Variants in STON1 observed in about 807,000 individuals in gnomAD.
The protein encoded by STON1 is stonin 1.
Under a neutral mutation model 60.9 loss-of-function variants are expected in STON1, and 79 were observed. That is an observed-to-expected ratio of 1.30 (90% confidence interval 1.08 to 1.56). The LOEUF (loss-of-function observed/expected upper bound fraction) is 1.56. STON1 is among the 40% of genes most tolerant of loss of function. The pLI is 0.00. For synonymous variants in STON1, 363 were observed against 306.9 expected (o/e 1.18, Z -1.91); for missense variants, 1,166 against 858.9 (o/e 1.36, Z -4.47).
rs368140957 is a variant in STON1, at chr2:48,581,679, T to A, written c.1046T>A (p.Ile349Asn). The A allele has an allele frequency of 6.2e-7, 1 of 1,613,466 alleles. No individual in the cohort carries two copies. Among genetic ancestry groups the A allele is most frequent in the Admixed American group, 1.7e-5 (1 of 59,864 alleles). Reference protein sequence around the residue: ...SVAGKIHTVKIEHVSYTEKRK... With the variant: ...SVAGKIHTVKNEHVSYTEKRK... ...GCAGGAAAAATCCACACTGTGAAGATTGAACATGTGTCTTACACAGAAAAA... is the reference window on the plus strand; with the variant it reads ...GCAGGAAAAATCCACACTGTGAAGAATGAACATGTGTCTTACACAGAAAAA... Residue 349 changes from isoleucine (I) to asparagine (N), a missense_variant, in exon 2 of 4, where the codon ATT becomes AAT. Physicochemically the swap from Ile to Asn is moderately radical, Grantham distance 149 (BLOSUM62 -3). Coordinates refer to ENST00000404752, the MANE Select transcript of STON1 (RefSeq NM_006873.4).
chr2:48,580,922 G>T lies in STON1; in HGVS notation c.289G>T (p.Ala97Ser), dbSNP rs750519000. ...DFPGFPGIPK[A>S]GTHVLYPIPE... ...CCCAGGTTTTCCTGGCATCCCCAAA[G>T]CAGGGACTCATGTGCTTTATCCTAT... The change falls in exon 2 of 4, where the codon GCA becomes TCA. Residue 97 changes from alanine to serine, a missense_variant. Coordinates refer to ENST00000404752, the MANE Select transcript of STON1 (RefSeq NM_006873.4). The T allele has an allele frequency of 3.8e-6, 6 of 1,599,640 alleles. No homozygotes were observed. Among genetic ancestry groups the T allele is most frequent in the Non-Finnish European group, 1.7e-6 (2 of 1,174,272 alleles).
intron 1 of STON1, among the ~76,000 whole-genome samples, chr2:48,573,257 G>A (rs1047078068): frequency 4.6e-5 from 7 of 152,144 alleles, no homozygotes; most frequent in Non-Finnish European, 1.0e-4. Flanking sequence ...CAGCTACTTG[G>A]GAGGCTGAGG....
At chr2:48,577,383 C>G (rs535992885) in intron 1 of STON1, among the ~76,000 whole-genome samples, 1 of 151,826 alleles carries the variant, frequency 6.6e-6, no homozygotes. Flanking sequence ...GAGTTTGAGA[C>G]CAGCCTGACC....
intron 1 of STON1, among the ~76,000 whole-genome samples, chr2:48,575,820 G>A (rs181195194): frequency 5.6e-5 from 8 of 142,376 alleles, no homozygotes; most frequent in African/African-American, 7.7e-5. Flanking sequence ...GTGCAATGGC[G>A]TGATACCCAT....
chr2:48,580,464 T>C (rs62823761), intron 1 of STON1, 123 bp from the exon 2 acceptor site: 26 of 1,009,260 alleles, frequency 2.6e-5, no homozygotes, highest in Middle Eastern at 3.6e-4. Context: ...GTTTTTTTTT[T>C]AATCCACTTA....
In STON1 at chr2:48,582,099, AGT is replaced by A. The variant is rs764833317; in HGVS notation, c.1472_1473del (p.Val491GlufsTer6). ...GATATTCTTGACTACCATTTTCATAAGTGTGTGAATGTACAAGAATTTGAGCA... is the reference window on the plus strand; with the variant it reads ...GATATTCTTGACTACCATTTTCATAAGTGTGAATGTACAAGAATTTGAGCA... On this transcript the variant is annotated frameshift_variant, in exon 2 of 4. Coordinates refer to ENST00000404752, the MANE Select transcript of STON1 (RefSeq NM_006873.4). LOFTEE classifies it high-confidence loss of function. 1.2e-6 allele frequency: 2 copies of A among 1,614,028 alleles called. No homozygotes were observed. Among genetic ancestry groups the A allele is most frequent in the South Asian group, 1.1e-5 (1 of 91,070 alleles).
chr2:48,573,427 G>A lies in STON1; in HGVS notation c.-47-7160G>A, dbSNP rs557703499. 1.8e-4 allele frequency among the ~76,000 whole-genome samples: 27 copies of A among 152,266 alleles called. 1 individual carries two copies. The highest frequency in any genetic ancestry group is 5.5e-4 in the African/African-American group (23 of 41,556). On this transcript the variant is annotated intron_variant, in intron 1 of 3. Transcript: ENST00000404752. ...CAGCATTTTCCACTGGATGTCAGCCGCCATAGCATCACTTTGGAGTTGGAA... is the reference window on the plus strand; with the variant it reads ...CAGCATTTTCCACTGGATGTCAGCCACCATAGCATCACTTTGGAGTTGGAA...
chr2:48,540,601 C>T (rs559975987), intron 1 of STON1, among the ~76,000 whole-genome samples: 5 of 152,346 alleles, frequency 3.3e-5, no homozygotes, highest in Admixed American at 6.5e-5. Flanking sequence ...CTGTATCTTT[C>T]GCAGTATTCT....
Position 48,580,618 on chromosome 2 carries a change from C to T in STON1, c.-16C>T, listed in dbSNP as rs1673819709. 3 of 1,339,228 alleles carry T rather than the reference C, an allele frequency of 2.2e-6. No individual in the cohort carries two copies. The highest frequency in any genetic ancestry group is 2.9e-6 in the Non-Finnish European group (3 of 1,037,734). The allele number at this position is 1,339,228 out of a possible 1,614,324, so 83.0% of individuals were successfully genotyped here. A position where few individuals can be genotyped will look rare whatever the true frequency, so the allele number is the denominator to read the frequency against. On this transcript the variant is annotated 5_prime_UTR_variant, in exon 2 of 4. Transcript: ENST00000404752. ...CCTATTTGATTTCTTGACAAGACCA[C>T]AATCTGATCCCAAAGATGTGCTCCA...
At chr2:48,586,861 G>C (rs1419710654) in intron 2 of STON1, among the ~76,000 whole-genome samples, 1 of 152,180 alleles carries the variant, frequency 6.6e-6, no homozygotes, top group Non-Finnish European at 1.5e-5. Flanking sequence ...GGCAGAGAGA[G>C]AGAGGCAAGA....
At chr2:48,561,731 C>G (rs1349740966) in intron 1 of STON1, among the ~76,000 whole-genome samples, 7 of 152,220 alleles carry the variant, frequency 4.6e-5, no homozygotes, top group Admixed American at 4.6e-4. Context: ...GGGGAGTTAA[C>G]TTGCTCCTGT....
At chr2:48,551,410 G>A (rs954785213) in intron 1 of STON1, among the ~76,000 whole-genome samples, 19 of 152,136 alleles carry the variant, frequency 1.2e-4, no homozygotes, top group Non-Finnish European at 2.4e-4. Context: ...TCCATGGCCT[G>A]TGCCATGACC....
At chr2:48,535,889 A>C (rs112353599) in intron 1 of STON1, among the ~76,000 whole-genome samples, 3,934 of 151,656 alleles carry the variant, frequency 0.026, 90 homozygotes, top group African/African-American at 0.06. Flanking sequence ...GAGTTTGAGA[A>C]CAGCCTGGGC....
chr2:48,555,285 A>ACCTC (rs1672278721), intron 1 of STON1, among the ~76,000 whole-genome samples: 1 of 82,388 alleles, frequency 1.2e-5, no homozygotes, highest in African/African-American at 4.5e-5. Context: ...GGCGCCCCTC[A>ACCTC]CCTCCCGGAC....
intron 1 of STON1, among the ~76,000 whole-genome samples, chr2:48,578,581 CTTTTTTTTTTTT>C (rs59933765): frequency 1.3e-4 from 6 of 46,158 alleles, no homozygotes; most frequent in South Asian, 1.6e-3. Flanking sequence ...CTCCTCCTTC[CTTTTTTTTTTTT>C]TTTTTTTTTT....
At chr2:48,590,188 C>T (rs1674430800) in intron 2 of STON1, among the ~76,000 whole-genome samples, 1 of 152,100 alleles carries the variant, frequency 6.6e-6, no homozygotes, top group African/African-American at 2.4e-5. Context: ...TTATCACTTG[C>T]CTCCAGTGAT....
intron 1 of STON1, among the ~76,000 whole-genome samples, chr2:48,561,510 A>G (rs1672612188): frequency 6.6e-6 from 1 of 152,194 alleles, no homozygotes; most frequent in Non-Finnish European, 1.5e-5. Flanking sequence ...TTCATTATCT[A>G]CGAAGCAGAC....
chr2:48,597,520 C>T lies in STON1; in HGVS notation c.*2218C>T, dbSNP rs962164952. The T allele has an allele frequency of 6.6e-6, 1 of 152,300 alleles. No homozygotes were observed. The highest frequency in any genetic ancestry group is 1.5e-5 in the Non-Finnish European group (1 of 68,032). The allele number at this position is 152,300 out of a possible 1,614,324, so 9.4% of individuals were successfully genotyped here. ...GCAAAGGGTTCACTTAGTTGCCCCT[C>T]ATGCTTCACAGGTTGACTAGTATCT... On this transcript the variant is annotated 3_prime_UTR_variant, in exon 4 of 4. Transcript: ENST00000404752.
At chr2:48,532,301 A>G (rs1671243880) in intron 1 of STON1, among the ~76,000 whole-genome samples, 1 of 151,818 alleles carries the variant, frequency 6.6e-6, no homozygotes, top group Non-Finnish European at 1.5e-5. Flanking sequence ...GTGAGCCGAG[A>G]TTACACCACT....
Sources: gnomAD v4.1 joint callset for allele counts (sites outside exome capture counted in the v4.1 genomes callset) on GRCh38, gnomAD v4.1.1 for gene constraint, MANE v1.5 for transcripts, NCBI Gene and HGNC (gene_info 2026-07-23, HGNC 2026-07-21) for gene names.